SYNJ1: variants seen among roughly 807,000 people sequenced by gnomAD.
The protein encoded by SYNJ1 is polyphosphatidylinositol phosphatase SYNJ1.
A neutral mutation model predicts 168.2 loss-of-function variants in SYNJ1; 78 were observed. The ratio of observed to expected loss-of-function variants is 0.46; its 90% CI spans 0.39 to 0.56. SYNJ1 has a LOEUF of 0.56. Among genes scored for constraint, SYNJ1 ranks in the 20% least tolerant of loss-of-function variants. SYNJ1 has a pLI of 0.00. For synonymous variants in SYNJ1, 539 were observed against 548.6 expected (o/e 0.98, Z 0.24); for missense variants, 1,303 against 1,597.6 (o/e 0.82, Z 3.14).
chr21:32,639,822 C>A (rs1360359348), intron 29 of SYNJ1, 43 bp from the exon 30 acceptor site: 9 of 1,505,216 alleles, frequency 6.0e-6, no homozygotes, highest in Non-Finnish European at 6.4e-6. Context: ...TACTTACCTT[C>A]CACAGGTAAA....
At chr21:32,688,447 C>A in intron 6 of SYNJ1, 80 bp from the exon 7 acceptor site, 1 of 1,186,870 alleles carries the variant, frequency 8.4e-7, no homozygotes, top group Admixed American at 2.2e-5. Context: ...CAATATCTAA[C>A]AATTTCTTTG....
intron 4 of SYNJ1, among the ~76,000 whole-genome samples, chr21:32,695,550 T>C (rs1231037100): frequency 6.6e-6 from 1 of 152,064 alleles, no homozygotes; most frequent in African/African-American, 2.4e-5. Context: ...TTATATATAA[T>C]GTGTTTATAA....
intron 29 of SYNJ1, among the ~76,000 whole-genome samples, chr21:32,640,207 C>T (rs1163757596): frequency 6.6e-6 from 1 of 151,918 alleles, no homozygotes; most frequent in East Asian, 1.9e-4. Context: ...ATGGGGAAAA[C>T]TGGGATGATT....
rs1416896181 is a variant in SYNJ1 at position 32,681,500 on chromosome 21, G to A, written c.1349C>T (p.Ala450Val). ...YAGTGALEGK[A>V]KLKDGARSVT... Reference sequence around the variant, plus strand: ...TTATGATAGATCTAGATATACCTTCGCTTTCCCTTCAAGAGCTCCAGTTCC... The same window carrying A: ...TTATGATAGATCTAGATATACCTTCACTTTCCCTTCAAGAGCTCCAGTTCC... The change falls in exon 11 of 33, where the codon GCG becomes GTG. Residue 450 changes from alanine to valine, a missense_variant. Ala to Val is a moderately conservative substitution (Grantham distance 64). Coordinates refer to ENST00000674351, the MANE Select transcript of SYNJ1 (RefSeq NM_203446.3). 2.0e-5 allele frequency: 32 copies of A among 1,611,182 alleles called. No homozygotes were observed. The highest frequency in any genetic ancestry group is 1.6e-4 in the Middle Eastern group (1 of 6,070).
chr21:32,672,873 A>C (rs2041259695), intron 14 of SYNJ1, among the ~76,000 whole-genome samples: 1 of 152,202 alleles, frequency 6.6e-6, no homozygotes, highest in Non-Finnish European at 1.5e-5. Context: ...GAAAAATGGG[A>C]CATAGTAGGT....
At chr21:32,666,216 C>A in intron 16 of SYNJ1, 81 bp from the exon 17 acceptor site, 1 of 1,482,844 alleles carries the variant, frequency 6.7e-7, no homozygotes, top group South Asian at 1.3e-5. Context: ...TATACATAAT[C>A]ATTTAAGTAC....
chr21:32,645,980 T>C (rs1374683367), intron 24 of SYNJ1, 191 bp from the exon 25 acceptor site: 2 of 908,222 alleles, frequency 2.2e-6, no homozygotes, highest in Non-Finnish European at 3.6e-6. Context: ...GCAGCAATAA[T>C]GCTACCTCTG....
rs750562248 is a variant in SYNJ1 at position 32,694,326 on chromosome 21, AT to A, written c.706-16del. 7.2e-6 allele frequency: 11 copies of A among 1,536,136 alleles called. No homozygotes were observed. Among genetic ancestry groups the A allele is most frequent in the East Asian group, 4.8e-5 (2 of 41,314 alleles). On this transcript the variant is annotated splice_polypyrimidine_tract_variant and intron_variant, in intron 5 of 32. Coordinates refer to ENST00000674351, the MANE Select transcript of SYNJ1 (RefSeq NM_203446.3). ...AAGTACACAACCTACAGAAAAAAAA[AT>A]AATATGTAAACTATTTCCACAGAAA...
At chr21:32,641,547 T>C (rs552868353) in intron 29 of SYNJ1, among the ~76,000 whole-genome samples, 2 of 152,298 alleles carry the variant, frequency 1.3e-5, no homozygotes, top group South Asian at 4.1e-4. Context: ...ATTAAAATCC[T>C]TTTTAATGAA....
chr21:32,657,840 G>C lies in SYNJ1; in HGVS notation c.2337C>G (p.Thr779=), dbSNP rs367656251. The part of the protein sequence containing the change: ...VFRGFLEGKV[T]FAPTYKYDLF... ...AGTCATACTTATATGTCGGAGCAAA[G>C]GTTACCTTTCCTTCTAAAAATCCTC... The change falls in exon 19 of 33, where the codon ACC becomes ACG. Residue 779 remains threonine (T), a synonymous_variant. Transcript: ENST00000674351. 6.2e-7 allele frequency: 1 copy of C among 1,611,970 alleles called. No homozygotes were observed. Among genetic ancestry groups the C allele is most frequent in the Non-Finnish European group, 8.5e-7 (1 of 1,179,528 alleles).
intron 9 of SYNJ1, among the ~76,000 whole-genome samples, chr21:32,684,747 A>G (rs771358179): frequency 1.3e-5 from 2 of 152,208 alleles, no homozygotes; most frequent in Non-Finnish European, 2.9e-5. Context: ...AGAGAAGCAA[A>G]ACAGTTTCAT....
chr21:32,686,255 A>G (rs1352312942), intron 8 of SYNJ1, among the ~76,000 whole-genome samples: 2 of 152,202 alleles, frequency 1.3e-5, no homozygotes, highest in African/African-American at 2.4e-5. Flanking sequence ...ACATACAAAT[A>G]TTCTTAAATT....
At chr21:32,723,257 GA>G (rs1240327217) in intron 2 of SYNJ1, among the ~76,000 whole-genome samples, 4 of 152,204 alleles carry the variant, frequency 2.6e-5, no homozygotes, top group Non-Finnish European at 4.4e-5. Flanking sequence ...CTAATAGTAT[GA>G]AAGACAAAAT....
chr21:32,659,544 T>C (rs1440142631), intron 18 of SYNJ1, among the ~76,000 whole-genome samples: 3 of 152,140 alleles, frequency 2.0e-5, no homozygotes, highest in Non-Finnish European at 4.4e-5. Flanking sequence ...ACCTATAGAT[T>C]TCAGGCCTGT....
chr21:32,659,349 T>C (rs2040587539), intron 18 of SYNJ1, among the ~76,000 whole-genome samples: 1 of 152,180 alleles, frequency 6.6e-6, no homozygotes, highest in South Asian at 2.1e-4. Context: ...GGGTTTTCTC[T>C]TTCCTATTTT....
intron 2 of SYNJ1, among the ~76,000 whole-genome samples, chr21:32,706,059 C>T: frequency 6.6e-6 from 1 of 152,114 alleles, no homozygotes; most frequent in East Asian, 1.9e-4. Flanking sequence ...CTTGTCAAGA[C>T]ACTATGAAAA....
chr21:32,678,508 A>G, intron 12 of SYNJ1, 137 bp downstream of exon 12: 1 of 905,654 alleles, frequency 1.1e-6, no homozygotes, highest in South Asian at 2.2e-5. Context: ...TGGAGAATGT[A>G]CTTTTCAAAA....
rs755258923 is a variant in SYNJ1 at position 32,656,696 on chromosome 21, A to G, written c.2786T>C (p.Ile929Thr). 5 of 1,612,884 alleles carry G rather than the reference A, an allele frequency of 3.1e-6. No individual in the cohort carries two copies. In the Admixed American group the frequency reaches 5.0e-5, roughly 16 times the overall value. ...LQQFASFGEV[I>T]LIRFVEDKMW... ...ATAATAAACATCTTACCTTATAAGT[A>G]TAACTTCACCAAAACTTGCAAACTG... Residue 929 changes from isoleucine (I) to threonine (T), a missense_variant, in exon 21 of 33, where the codon ATA becomes ACA. This residue lies in a region of SYNJ1 where 920 missense variants were observed against 1,208.8 expected (regional missense o/e 0.76). Transcript: ENST00000674351.
In SYNJ1 at chr21:32,686,885, T is replaced by G. The variant is rs1049374746; in HGVS notation, c.948+93A>C. ...ACCTTTTTCTTGGAAGTAATTTACTTCCTGGAAGAATCTGATTACTGTATT... is the reference window on the plus strand; with the variant it reads ...ACCTTTTTCTTGGAAGTAATTTACTGCCTGGAAGAATCTGATTACTGTATT... On this transcript the variant is annotated intron_variant, in intron 8 of 32. Transcript: ENST00000674351. 1.9e-5 allele frequency: 17 copies of G among 877,728 alleles called. No individual in the cohort carries two copies. The African/African-American group carries it at 2.9e-4, about 15-fold the overall frequency. The allele number at this position is 877,728 out of a possible 1,614,324, so 54.4% of individuals were successfully genotyped here.
Sources: gnomAD v4.1 joint callset for allele counts (sites outside exome capture counted in the v4.1 genomes callset) on GRCh38, gnomAD v4.1.1 for gene constraint, gnomAD v4.1.1 regional missense constraint, MANE v1.5 for transcripts, NCBI Gene and HGNC (gene_info 2026-07-23, HGNC 2026-07-21) for gene names.